The following CNTD1 variants were observed in gnomAD, a reference collection of about 807,000 sequenced individuals.
The protein encoded by CNTD1 is cyclin N-terminal domain-containing protein 1.
CNTD1 carries 17 observed loss-of-function variants against 36.3 expected under a neutral mutation model. That is an observed-to-expected ratio of 0.47 (90% CI 0.32 to 0.70). The LOEUF is 0.70. CNTD1 is among the 30% of genes least tolerant of loss of function. The pLI, the probability that CNTD1 is intolerant of heterozygous loss-of-function variation, is 0.03. For synonymous variants in CNTD1, 128 were observed against 153.3 expected (o/e 0.83, Z 1.22); for missense variants, 338 against 386.1 (o/e 0.88, Z 1.04).
intron 1 of CNTD1, among the ~76,000 whole-genome samples, chr17:42,801,505 A>AG: frequency 1.8e-5 from 1 of 54,654 alleles, no homozygotes; most frequent in East Asian, 6.1e-4. Context: ...CAAAAAAAAA[A>AG]AAAAAATATA....
intron 3 of CNTD1, 176 bp from the exon 4 acceptor site, chr17:42,805,546 G>A (rs2054865050): frequency 5.9e-6 from 3 of 512,116 alleles, no homozygotes; most frequent in Non-Finnish European, 1.0e-5. Flanking sequence ...GGGACAGCAT[G>A]GTGGGTTTGG....
chr17:42,807,769 GA>G lies in CNTD1; in HGVS notation c.731del (p.Lys244SerfsTer5). 1 of 1,611,092 alleles carries G rather than the reference GA, an allele frequency of 6.2e-7. No homozygotes were observed. Among genetic ancestry groups the G allele is most frequent in the South Asian group, 1.1e-5 (1 of 90,982 alleles). ...ATTAATGTGGTTTTAATCACTCAGG[GA>G]AAAGTTTACTTCAGTGAAGGAAGAC... ...ENSTPSQLQGEKFTSVKEDFM... is the reference protein window; with the variant it reads ...ENSTPSQLQGXKFTSVKEDFM... On this transcript the variant is annotated frameshift_variant and splice_region_variant, in exon 6 of 7. Coordinates refer to ENST00000588408, the MANE Select transcript of CNTD1 (RefSeq NM_173478.3). LOFTEE classifies it high-confidence loss of function.
At chr17:42,799,315 T>C (rs2054732435) in intron 1 of CNTD1, 79 bp downstream of exon 1, 22 of 1,430,820 alleles carry the variant, frequency 1.5e-5, no homozygotes, top group Non-Finnish European at 2.0e-5. Context: ...TGAGATTCCG[T>C]TGATTTTATT....
chr17:42,799,645 G>A (rs1023180990), intron 1 of CNTD1, among the ~76,000 whole-genome samples: 9 of 150,728 alleles, frequency 6.0e-5, no homozygotes, highest in East Asian at 5.8e-4. Context: ...CCAGCTACTC[G>A]GGAGGTTGAG....
At chr17:42,801,510 A>AAAAAAATAT (rs1289580717) in intron 1 of CNTD1, among the ~76,000 whole-genome samples, 1 of 54,344 alleles carries the variant, frequency 1.8e-5, no homozygotes, top group Non-Finnish European at 3.0e-5. Context: ...AAAAAAAAAA[A>AAAAAAATAT]ATATATATAT....
Position 42,799,227 on chromosome 17 carries a change from C to G in CNTD1, c.160C>G (p.Gln54Glu), listed in dbSNP as rs781752330. Residue 54 changes from glutamine (Q) to glutamate (E), a missense_variant, in exon 1 of 7, where the codon CAG becomes GAG. Gln to Glu is a conservative substitution (Grantham distance 29, BLOSUM62 2). Coordinates refer to ENST00000588408, the MANE Select transcript of CNTD1 (RefSeq NM_173478.3). The stretch of plus-strand genomic sequence containing the variant: ...GCGGCTGGGCCGCTTCAGGGAGCCC[C>G]AGATCGTGGGTGCGGCTGCAGGGCC... ...SGRLGRFREP[Q>E]IVEFVFLLSE... 2.5e-6 allele frequency: 4 copies of G among 1,613,300 alleles called. No individual in the cohort carries two copies. Among genetic ancestry groups the G allele is most frequent in the Non-Finnish European group, 3.4e-6 (4 of 1,179,750 alleles).
intron 5 of CNTD1, 106 bp downstream of exon 5, chr17:42,806,924 A>G: frequency 9.7e-7 from 1 of 1,033,454 alleles, no homozygotes; most frequent in Non-Finnish European, 1.4e-6. Context: ...CCAGTCCCAG[A>G]TAACCTACTC....
Position 42,804,305 on chromosome 17 carries a change from G to A in CNTD1, c.326G>A (p.Trp109Ter). The A allele has an allele frequency of 6.2e-7, 1 of 1,613,996 alleles. No homozygotes were observed. Among genetic ancestry groups the A allele is most frequent in the Non-Finnish European group, 8.5e-7 (1 of 1,179,932 alleles). ...GATAATAAGAGAGAGTCTCAGAATT[G>A]GAGGGCTCTGAAACAGCAGCTTGTC... Reference protein sequence around the residue: ...PRDNKRESQNWRALKQQLVNK... With the variant: ...PRDNKRESQN The change falls in exon 3 of 7, where the codon TGG becomes TAG. Residue 109 changes from tryptophan (W) to a stop codon, truncating the protein, a stop_gained. Coordinates refer to ENST00000588408, the MANE Select transcript of CNTD1 (RefSeq NM_173478.3). LOFTEE classifies it high-confidence loss of function.
rs778764705 is a variant in CNTD1 at position 42,809,481 on chromosome 17, T to C, written c.939T>C (p.Ile313=). ...ACACTCCGGGGAGACAGCAGTCTAT[T>C]CCTCCCCACCTGGCAGCCAGAGCTC... is the stretch of plus-strand genomic sequence containing the variant. The part of the protein sequence containing the change: ...GANTPGRQQS[I]PPHLAARALK... Residue 313 remains isoleucine (I), a synonymous_variant, in exon 7 of 7, where the codon ATT becomes ATC. Coordinates refer to ENST00000588408, the MANE Select transcript of CNTD1 (RefSeq NM_173478.3). The C allele has an allele frequency of 6.2e-7, 1 of 1,614,118 alleles. No individual in the cohort carries two copies. Among genetic ancestry groups the C allele is most frequent in the Non-Finnish European group, 8.5e-7 (1 of 1,179,998 alleles).
Position 42,809,477 on chromosome 17 carries a change from C to A in CNTD1, c.935C>A (p.Ser312Tyr). Residue 312 changes from serine to tyrosine, a missense_variant, in exon 7 of 7, where the codon TCT (serine) becomes TAT (tyrosine). Physicochemically the swap from Ser to Tyr is moderately radical, Grantham distance 144. Transcript: ENST00000588408. Reference protein sequence around the residue: ...VGANTPGRQQSIPPHLAARAL... With the variant: ...VGANTPGRQQYIPPHLAARAL... Reference sequence around the variant, plus strand: ...GCCAACACTCCGGGGAGACAGCAGTCTATTCCTCCCCACCTGGCAGCCAGA... The same window carrying A: ...GCCAACACTCCGGGGAGACAGCAGTATATTCCTCCCCACCTGGCAGCCAGA... 2 of 1,614,190 alleles carry A rather than the reference C, an allele frequency of 1.2e-6. No homozygotes were observed. Among genetic ancestry groups the A allele is most frequent in the Admixed American group, 1.7e-5 (1 of 60,028 alleles).
At position 42,805,711 on chromosome 17, in the gene CNTD1, T is replaced by C; in HGVS notation, c.418-11T>C. The C allele has an allele frequency of 6.2e-7, 1 of 1,607,662 alleles. No individual in the cohort carries two copies. The highest frequency in any genetic ancestry group is 8.5e-7 in the Non-Finnish European group (1 of 1,176,980). On this transcript the variant is annotated splice_polypyrimidine_tract_variant and intron_variant, in intron 3 of 6. Coordinates refer to ENST00000588408, the MANE Select transcript of CNTD1 (RefSeq NM_173478.3). Reference sequence around the variant, plus strand: ...CTAACATTCTTCTTTCCCTCTCTTTTCTTTGCTCAGATAATCAGCAACATT... The same window carrying C: ...CTAACATTCTTCTTTCCCTCTCTTTCCTTTGCTCAGATAATCAGCAACATT...
chr17:42,799,684 G>A (rs1352158249), intron 1 of CNTD1, among the ~76,000 whole-genome samples: 3 of 145,244 alleles, frequency 2.1e-5, no homozygotes, highest in East Asian at 4.0e-4. Flanking sequence ...CCCAGGAGGC[G>A]GAAGTTGCAG....
At chr17:42,801,556 G>GAA (rs1567660419) in intron 1 of CNTD1, among the ~76,000 whole-genome samples, 1 of 121,826 alleles carries the variant, frequency 8.2e-6, no homozygotes, top group African/African-American at 3.0e-5. Flanking sequence ...TAATATATGT[G>GAA]TGTGTGTGTG....
At position 42,810,807 on chromosome 17, in the gene CNTD1, G is replaced by A; in HGVS notation, c.*1272G>A. 6.2e-7 allele frequency: 1 copy of A among 1,613,754 alleles called. No homozygotes were observed. The highest frequency in any genetic ancestry group is 8.5e-7 in the Non-Finnish European group (1 of 1,179,798). On this transcript the variant is annotated 3_prime_UTR_variant, in exon 7 of 7. Transcript: ENST00000588408. ...GACACCCAAGCAAGACCCCACTTAAGATTCGTCAGCATGAACTTGAGAGCT... is the reference window on the plus strand; with the variant it reads ...GACACCCAAGCAAGACCCCACTTAAAATTCGTCAGCATGAACTTGAGAGCT...
At chr17:42,801,545 ATAATATATG>A (rs1279505137) in intron 1 of CNTD1, among the ~76,000 whole-genome samples, 182 of 48,598 alleles carry the variant, frequency 3.7e-3, no homozygotes, top group East Asian at 0.011. Context: ...ATATATATAT[ATAATATATG>A]TGTGTGTGTG....
At chr17:42,801,554 G>GTATA (rs2054796467) in intron 1 of CNTD1, among the ~76,000 whole-genome samples, 2 of 27,872 alleles carry the variant, frequency 7.2e-5, no homozygotes, top group Non-Finnish European at 1.5e-4. Context: ...TATAATATAT[G>GTATA]TGTGTGTGTG....
chr17:42,801,510 A>AAT (rs1216506814), intron 1 of CNTD1, among the ~76,000 whole-genome samples: 2,145 of 54,164 alleles, frequency 0.04, 59 homozygotes, highest in Non-Finnish European at 0.049. Context: ...AAAAAAAAAA[A>AAT]ATATATATAT....
At chr17:42,801,806 CT>C (rs2054801060) in intron 1 of CNTD1, among the ~76,000 whole-genome samples, 1 of 151,718 alleles carries the variant, frequency 6.6e-6, no homozygotes, top group Non-Finnish European at 1.5e-5. Flanking sequence ...TGGGAAAACA[CT>C]TTGTGTTCAG....
chr17:42,803,618 A>C lies in CNTD1; in HGVS notation c.170-2A>C. ...TTAGGCTCTTTTTTCCTGTTTTGGC[A>C]GAGTTTGTTTTTCTCCTGTCTGAAC... On this transcript the variant is annotated splice_acceptor_variant, in intron 1 of 6. Coordinates refer to ENST00000588408, the MANE Select transcript of CNTD1 (RefSeq NM_173478.3). LOFTEE classifies it high-confidence loss of function. 1 of 1,612,396 alleles carries C rather than the reference A, an allele frequency of 6.2e-7. No homozygotes were observed. The highest frequency in any genetic ancestry group is 8.5e-7 in the Non-Finnish European group (1 of 1,179,170).
Sources: allele counts gnomAD v4.1 joint callset (sites outside exome capture counted in the v4.1 genomes callset), GRCh38; gene constraint gnomAD v4.1.1; transcripts MANE v1.5; gene names NCBI Gene and HGNC (gene_info 2026-07-23, HGNC 2026-07-21).